The following LRRK1 variants were observed in gnomAD, a reference collection of about 807,000 sequenced individuals.
The protein encoded by LRRK1 is leucine rich repeat kinase 1.
LRRK1 carries 113 observed loss-of-function variants against 209.1 expected under a neutral mutation model. That is an observed-to-expected ratio of 0.54 (90% CI 0.46 to 0.63). The LOEUF (loss-of-function observed/expected upper bound fraction) is 0.63, where lower values mean the gene tolerates loss of function less well. LRRK1 is among the 30% of genes least tolerant of loss of function. The pLI is 0.00. For missense variants in LRRK1, 2,284 were observed against 2,632.2 expected (o/e 0.87, Z 2.89); for synonymous variants, 1,144 against 1,099.7 (o/e 1.04, Z -0.80).
intron 4 of LRRK1, among the ~76,000 whole-genome samples, chr15:100,987,967 A>G (rs2031958444): frequency 6.6e-6 from 1 of 152,158 alleles, no homozygotes; most frequent in African/African-American, 2.4e-5. Flanking sequence ...GGCTAAGATC[A>G]TGCTGGATAC....
chr15:101,021,804 G>A, intron 13 of LRRK1, 41 bp from the exon 14 acceptor site: 2 of 618,242 alleles, frequency 3.2e-6, no homozygotes, highest in Non-Finnish European at 5.3e-6. Context: ...GTGTGTGTGT[G>A]TGTGTGTGTA....
chr15:100,966,438 G>A (rs1470526327), intron 2 of LRRK1, among the ~76,000 whole-genome samples: 4 of 152,128 alleles, frequency 2.6e-5, no homozygotes, highest in Admixed American at 6.5e-5. Flanking sequence ...TTCCCATCAC[G>A]CAGGTCTTGG....
intron 25 of LRRK1, 49 bp downstream of exon 25, chr15:101,053,137 G>T: frequency 6.3e-7 from 1 of 1,588,956 alleles, no homozygotes; most frequent in Non-Finnish European, 8.6e-7. Flanking sequence ...TATGCTGCCC[G>T]GGTCTAAGCT....
chr15:101,052,016 G>T, intron 24 of LRRK1, 56 bp downstream of exon 24: 2 of 1,573,280 alleles, frequency 1.3e-6, no homozygotes, highest in Non-Finnish European at 1.7e-6. Context: ...GGCGTTCCTC[G>T]CTGTGCAGTT....
At chr15:101,066,530 A>C in intron 32 of LRRK1, 110 bp from the exon 33 acceptor site, 1 of 985,564 alleles carries the variant, frequency 1.0e-6, no homozygotes, top group Non-Finnish European at 1.6e-6. Flanking sequence ...CCCTTAGCAG[A>C]AACTGCATGT....
rs1436310933 is a variant in LRRK1, at chr15:101,065,684, G to A, written c.5247G>A (p.Glu1749=). 6.2e-7 allele frequency: 1 copy of A among 1,614,154 alleles called. No individual in the cohort carries two copies. The highest frequency in any genetic ancestry group is 2.2e-5 in the East Asian group (1 of 44,884). ...GCAGCTCTGAGGGCAGAGGGGAGGA[G>A]GTCGTCTGGTGCCTGGATGACAAGG... The part of the protein sequence containing the change: ...VVCSSEGRGE[E]VVWCLDDKAN... Residue 1749 remains glutamate, a synonymous_variant, in exon 32 of 34, where the codon GAG becomes GAA. Coordinates refer to ENST00000388948, the MANE Select transcript of LRRK1 (RefSeq NM_024652.6).
At chr15:100,970,569 G>A (rs2030798919) in intron 2 of LRRK1, among the ~76,000 whole-genome samples, 1 of 152,140 alleles carries the variant, frequency 6.6e-6, no homozygotes, top group South Asian at 2.1e-4. Context: ...GAAGGATAAT[G>A]GCTTCCAACT....
At position 101,065,580 on chromosome 15, in the gene LRRK1, G is replaced by C; in HGVS notation, c.5143G>C (p.Val1715Leu). 1 of 1,614,124 alleles carries C rather than the reference G, an allele frequency of 6.2e-7. No homozygotes were observed. The highest frequency in any genetic ancestry group is 8.5e-7 in the Non-Finnish European group (1 of 1,180,042). Residue 1715 changes from valine (V) to leucine (L), a missense_variant, in exon 32 of 34, where the codon GTC (valine) becomes CTC (leucine). Physicochemically the swap from Val to Leu is conservative, Grantham distance 32. This residue lies in a region of LRRK1 where 643 missense variants were observed against 695.9 expected (regional missense o/e 0.92). Coordinates refer to ENST00000388948, the MANE Select transcript of LRRK1 (RefSeq NM_024652.6). Reference sequence around the variant, plus strand: ...GTACAGCAATGGGCCGGGCCTCCTTGTCATCGACTGTGCCTCCCTGGAGAT... The same window carrying C: ...GTACAGCAATGGGCCGGGCCTCCTTCTCATCGACTGTGCCTCCCTGGAGAT... ...VWYSNGPGLL[V>L]IDCASLEICR... is the part of the protein sequence containing the mutation.
chr15:101,046,078 A>G lies in LRRK1; in HGVS notation c.3061A>G (p.Ser1021Gly). The change falls in exon 21 of 34, where the codon AGC becomes GGC. Residue 1021 changes from serine (S) to glycine (G), a missense_variant. Ser to Gly is a moderately conservative substitution (Grantham distance 56, BLOSUM62 0). Coordinates refer to ENST00000388948, the MANE Select transcript of LRRK1 (RefSeq NM_024652.6). Reference protein sequence around the residue: ...ANTIQRVFKMSFVPVGFWQRF... With the variant: ...ANTIQRVFKMGFVPVGFWQRF... Reference sequence around the variant, plus strand: ...CACCATTCAGAGGGTATTTAAGATGAGCTTCGTTCCCGTTGGCTTCTGGCA... The same window carrying G: ...CACCATTCAGAGGGTATTTAAGATGGGCTTCGTTCCCGTTGGCTTCTGGCA... 6.2e-7 allele frequency: 1 copy of G among 1,614,176 alleles called. No individual in the cohort carries two copies. Among genetic ancestry groups the G allele is most frequent in the Non-Finnish European group, 8.5e-7 (1 of 1,180,024 alleles).
rs1415864878 is a variant in LRRK1 at position 101,077,487 on chromosome 15, A to T, written c.*8639A>T. ...GCTGAACCTCCTTTGGCACTCTCTA[A>T]TCAGATGTCCTGAGTCATCTCAATT... is the stretch of plus-strand genomic sequence containing the variant. On this transcript the variant is annotated 3_prime_UTR_variant, in exon 34 of 34. Transcript: ENST00000388948. 6.6e-6 allele frequency: 1 copy of T among 152,066 alleles called. No individual in the cohort carries two copies. Among genetic ancestry groups the T allele is most frequent in the East Asian group, 1.9e-4 (1 of 5,196 alleles). 9.4% of individuals were successfully genotyped at this position (152,066 alleles called of 1,614,324 possible).
chr15:100,930,795 G>A (rs886443920), intron 2 of LRRK1, among the ~76,000 whole-genome samples: 5 of 152,236 alleles, frequency 3.3e-5, no homozygotes, highest in African/African-American at 1.2e-4. Context: ...GTTTGCCTGA[G>A]TCAGACTTTG....
chr15:101,067,290 G>A (rs750272301), intron 33 of LRRK1: 5 of 456,234 alleles, frequency 1.1e-5, no homozygotes, highest in South Asian at 6.2e-5. Context: ...TGGCCTGTCC[G>A]GGACATGGTC....
chr15:101,006,735 G>A (rs2032976057), intron 6 of LRRK1, among the ~76,000 whole-genome samples: 1 of 152,230 alleles, frequency 6.6e-6, no homozygotes, highest in Admixed American at 6.5e-5. Context: ...TAAAAAGCGT[G>A]TGTATTTGTG....
chr15:101,030,311 G>T (rs115290095), intron 20 of LRRK1, among the ~76,000 whole-genome samples: 1 of 151,892 alleles, frequency 6.6e-6, no homozygotes, highest in Non-Finnish European at 1.5e-5. Context: ...CTTCCAGCCC[G>T]CAGTGTCCTC....
chr15:101,025,865 G>A (rs1466901928), intron 16 of LRRK1, 100 bp from the exon 17 acceptor site: 20 of 1,295,254 alleles, frequency 1.5e-5, no homozygotes, highest in East Asian at 4.7e-5. Flanking sequence ...AGCAAGGGCC[G>A]TGGCATCCAG....
intron 2 of LRRK1, among the ~76,000 whole-genome samples, chr15:100,942,690 C>A (rs1480476642): frequency 6.6e-6 from 1 of 152,166 alleles, no homozygotes; most frequent in Non-Finnish European, 1.5e-5. Context: ...AATGCTTTTT[C>A]TTTTCTTTTT....
intron 6 of LRRK1, among the ~76,000 whole-genome samples, chr15:100,996,728 G>A (rs1436291754): frequency 6.6e-6 from 1 of 152,240 alleles, no homozygotes; most frequent in Non-Finnish European, 1.5e-5. Flanking sequence ...GGAACAGCGC[G>A]TGGCTTCTCA....
intron 2 of LRRK1, among the ~76,000 whole-genome samples, chr15:100,927,987 A>T (rs1436984661): frequency 2.0e-5 from 3 of 152,260 alleles, no homozygotes; most frequent in Non-Finnish European, 2.9e-5. Context: ...ACAGCCAAGG[A>T]GCAGGTAATG....
At chr15:100,967,678 C>T (rs77138322) in intron 2 of LRRK1, among the ~76,000 whole-genome samples, 6,396 of 152,260 alleles carry the variant, frequency 0.042, 175 homozygotes, top group African/African-American at 0.072. Context: ...AAATTTCAAA[C>T]ATACACTAAA....
Sources: allele counts gnomAD v4.1 joint callset (sites outside exome capture counted in the v4.1 genomes callset), GRCh38; gene constraint gnomAD v4.1.1; regional missense constraint gnomAD v4.1.1; transcripts MANE v1.5; gene names NCBI Gene and HGNC (gene_info 2026-07-23, HGNC 2026-07-21).